Variants in PFKFB3 observed in about 807,000 individuals in gnomAD.
PFKFB3 encodes the protein 6-phosphofructo-2-kinase/fructose-2,6-bisphosphatase 3.
Under a neutral mutation model 68.0 loss-of-function variants are expected in PFKFB3, and 33 were observed. That is an observed-to-expected ratio of 0.49 (90% CI 0.37 to 0.65). The LOEUF (loss-of-function observed/expected upper bound fraction) is 0.65. Ranked by LOEUF, PFKFB3 falls within the 30% of genes least tolerant of loss-of-function variation. PFKFB3 has a pLI of 0.00. For missense variants in PFKFB3, 586 were observed against 712.2 expected (o/e 0.82, Z 2.02); for synonymous variants, 315 against 288.2 (o/e 1.09, Z -0.94).
rs1209631067 is a variant in PFKFB3 at position 6,189,052 on chromosome 10, G to A, written c.17-24571G>A. The stretch of plus-strand genomic sequence containing the variant: ...AACGGGGTTTCACTGTGTTAGCCAG[G>A]ATGGTCTCGATCTCCTGACCTCGTG... On this transcript the variant is annotated intron_variant, in intron 1 of 14. Transcript: ENST00000379789. 2.6e-5 allele frequency among the ~76,000 whole-genome samples: 4 copies of A among 152,060 alleles called. No homozygotes were observed. In the East Asian group the frequency reaches 7.7e-4, roughly 29 times the overall value.
chr10:6,202,894 C>T (rs1843423797), upstream of PFKFB3: 2 of 1,122,300 alleles, frequency 1.8e-6, no homozygotes. Flanking sequence ...TGCGGCCAGC[C>T]CGGACTCTTT....
the PFKFB3 span, among the ~76,000 whole-genome samples, chr10:6,291,047 T>G: frequency 7.2e-5 from 11 of 152,220 alleles, no homozygotes; most frequent in Non-Finnish European, 1.5e-4. Context: ...TATGTGTACA[T>G]ATTTAATTAA....
chr10:6,299,784 C>T, the PFKFB3 span, among the ~76,000 whole-genome samples: 1 of 152,088 alleles, frequency 6.6e-6, no homozygotes, highest in Non-Finnish European at 1.5e-5. Context: ...AGATGGCACC[C>T]CCTTTCTGAA....
chr10:6,286,269 G>T, the PFKFB3 span, among the ~76,000 whole-genome samples: 5 of 152,044 alleles, frequency 3.3e-5, no homozygotes, highest in African/African-American at 9.7e-5. Context: ...GAGCCACCAC[G>T]CCAGGCCCTT....
chr10:6,239,330 C>T (rs140801943), downstream of PFKFB3, among the ~76,000 whole-genome samples: 603 of 152,310 alleles, frequency 4.0e-3, 7 homozygotes, highest in African/African-American at 0.013. Context: ...TGATTTTGCT[C>T]AGCCATAACT....
At chr10:6,310,251 GA>G in the PFKFB3 span, among the ~76,000 whole-genome samples, 1 of 152,060 alleles carries the variant, frequency 6.6e-6, no homozygotes, top group South Asian at 2.1e-4. Flanking sequence ...GGGGTGTCCA[GA>G]AACATCCTGT....
intron 1 of PFKFB3, among the ~76,000 whole-genome samples, chr10:6,176,798 C>T (rs929059819): frequency 4.6e-5 from 7 of 152,182 alleles, no homozygotes; most frequent in South Asian, 4.1e-4. Context: ...AAGCTGTCTC[C>T]GGTTCCACTT....
chr10:6,302,336 T>A, the PFKFB3 span, among the ~76,000 whole-genome samples: 1 of 133,460 alleles, frequency 7.5e-6, no homozygotes, highest in East Asian at 2.4e-4. Context: ...ATTACAGATA[T>A]AAGCCACTGC....
chr10:6,266,161 G>A, the PFKFB3 span, among the ~76,000 whole-genome samples: 9 of 152,028 alleles, frequency 5.9e-5, no homozygotes, highest in South Asian at 6.2e-4. Flanking sequence ...CTTCTGCCTC[G>A]GCCTCTCAAA....
In PFKFB3 at chr10:6,233,242, T is replaced by C. The variant is rs1845854204; in HGVS notation, c.*300T>C. 1 of 396,000 alleles carries C rather than the reference T, an allele frequency of 2.5e-6. No individual in the cohort carries two copies. Among genetic ancestry groups the C allele is most frequent in the Non-Finnish European group, 4.6e-6 (1 of 216,446 alleles). The allele number at this position is 396,000 out of a possible 1,614,324, so 24.5% of individuals were successfully genotyped here. A position where few individuals can be genotyped will look rare whatever the true frequency, so the allele number is the denominator to read the frequency against. ...CCTTCACAAAGCCTTGGGAGGGTGA[T>C]GAGTGCTGGTCCTGACAGGAGGCCG... On this transcript the variant is annotated 3_prime_UTR_variant, in exon 15 of 15. Transcript: ENST00000379775.
chr10:6,229,635 C>T lies in PFKFB3; in HGVS notation c.1516-3260C>T, dbSNP rs1426014891. Among the ~76,000 whole-genome samples the T allele has an allele frequency of 1.3e-5, 2 of 152,194 alleles. No individual in the cohort carries two copies. Among genetic ancestry groups the T allele is most frequent in the South Asian group, 4.1e-4 (2 of 4,826 alleles). ...CCTCAGGGCCAGTGTCTGTGATGCG[C>T]GGGGCCAGCGTGCAGTGCTTCAGGA... On this transcript the variant is annotated intron_variant, in intron 14 of 14. Transcript: ENST00000379775. The surrounding 1 kb of genome is among the most constrained non-coding windows in gnomAD (Gnocchi z 4.3).
intron 1 of PFKFB3, among the ~76,000 whole-genome samples, chr10:6,178,396 C>T (rs1349727164): frequency 6.6e-6 from 1 of 152,138 alleles, no homozygotes; most frequent in East Asian, 1.9e-4. Flanking sequence ...AAGAGAACAG[C>T]GAAGGAGGCG....
At position 6,221,756 on chromosome 10, in the gene PFKFB3, G is replaced by T; in HGVS notation, c.1083+11G>T. ...TACCCCACCGGGGAGGTGAGCGCAG[G>T]CTGGGGCGGGCTGACGGTCCCCAGC... On this transcript the variant is annotated intron_variant, in intron 10 of 14. Transcript: ENST00000379775. 1 of 1,558,388 alleles carries T rather than the reference G, an allele frequency of 6.4e-7. No homozygotes were observed. The highest frequency in any genetic ancestry group is 1.2e-5 in the South Asian group (1 of 86,182).
chr10:6,302,112 T>A, the PFKFB3 span, among the ~76,000 whole-genome samples: 1,438 of 151,604 alleles, frequency 9.5e-3, 25 homozygotes, highest in African/African-American at 0.033. Flanking sequence ...TGGAGTGCAG[T>A]GGCATGATTT....
At chr10:6,211,601 G>T (rs554843689) in intron 1 of PFKFB3, among the ~76,000 whole-genome samples, 1 of 152,200 alleles carries the variant, frequency 6.6e-6, no homozygotes, top group African/African-American at 2.4e-5. Flanking sequence ...CCATCTCTCC[G>T]TGTGCCCCTG....
At chr10:6,310,550 T>A in the PFKFB3 span, among the ~76,000 whole-genome samples, 5 of 152,306 alleles carry the variant, frequency 3.3e-5, no homozygotes, top group East Asian at 7.7e-4. Flanking sequence ...ACTGGGAAAG[T>A]CACCCATATT....
At position 6,233,220 on chromosome 10, in the gene PFKFB3, T is replaced by C. The variant is rs978673099; in HGVS notation, c.*278T>C. ...TAGGAATGTCCAGCCTCGGAGACCT[T>C]CACAAAGCCTTGGGAGGGTGATGAG... On this transcript the variant is annotated 3_prime_UTR_variant, in exon 15 of 15. Coordinates refer to ENST00000379775, the MANE Select transcript of PFKFB3 (RefSeq NM_004566.4). 1.6e-5 allele frequency: 7 copies of C among 438,752 alleles called. No homozygotes were observed. Among genetic ancestry groups the C allele is most frequent in the African/African-American group, 1.4e-4 (7 of 50,028 alleles). The allele number at this position is 438,752 out of a possible 1,614,324, so 27.2% of individuals were successfully genotyped here. A position where few individuals can be genotyped will look rare whatever the true frequency, so the allele number is the denominator to read the frequency against.
the PFKFB3 span, among the ~76,000 whole-genome samples, chr10:6,281,588 T>C: frequency 6.6e-6 from 1 of 152,058 alleles, no homozygotes; most frequent in Admixed American, 6.5e-5. Context: ...CATTCCACTG[T>C]TTTTCCCCCA....
chr10:6,171,396 C>CT (rs1564595859), intron 1 of PFKFB3, among the ~76,000 whole-genome samples: 5 of 150,182 alleles, frequency 3.3e-5, no homozygotes, highest in Non-Finnish European at 7.4e-5. Flanking sequence ...ATTGTTCTTT[C>CT]TTTCTTTTTT....
Sources: gnomAD v4.1 joint callset for allele counts (sites outside exome capture counted in the v4.1 genomes callset) on GRCh38, gnomAD v4.1.1 for gene constraint, Gnocchi (gnomAD v3.1) non-coding constraint, MANE v1.5 for transcripts, NCBI Gene and HGNC (gene_info 2026-07-23, HGNC 2026-07-21) for gene names.